UBA6: variants seen among roughly 807,000 people sequenced by gnomAD.
UBA6 encodes ubiquitin like modifier activating enzyme 6.
A neutral mutation model predicts 148.3 loss-of-function variants in UBA6; 87 were observed. That is an observed-to-expected ratio of 0.59 (90% CI 0.49 to 0.70). The LOEUF is 0.70. Ranked by LOEUF, UBA6 falls within the 30% of genes least tolerant of loss-of-function variation. The probability of loss-of-function intolerance (pLI) is 0.00; values close to 1 mark genes in which losing one functional copy is unlikely to be tolerated. For missense variants in UBA6, 1,186 were observed against 1,241.2 expected, an observed-to-expected ratio of 0.96 and a Z score of 0.67; for synonymous variants, 376 against 401.0, an observed-to-expected ratio of 0.94 and a Z score of 0.75.
chr4:67,622,056 C>T (rs1167161874), intron 32 of UBA6, among the ~76,000 whole-genome samples: 1 of 152,058 alleles, frequency 6.6e-6, no homozygotes, highest in African/African-American at 2.4e-5. Flanking sequence ...AGGTCCCATG[C>T]TGGAGCATGA....
intron 2 of UBA6, among the ~76,000 whole-genome samples, chr4:67,689,171 G>A (rs1232390125): frequency 1.3e-5 from 2 of 152,052 alleles, no homozygotes; most frequent in African/African-American, 4.8e-5. Flanking sequence ...AGATGATTTT[G>A]CCTAACTATA....
chr4:67,664,038 G>A, intron 10 of UBA6, 91 bp from the exon 11 acceptor site: 1 of 1,001,882 alleles, frequency 1.0e-6, no homozygotes, highest in Non-Finnish European at 1.5e-6. Flanking sequence ...AAAAACTAGG[G>A]AACTCTCCCA....
chr4:67,624,736 CA>C (rs1360560012), intron 29 of UBA6, among the ~76,000 whole-genome samples: 1 of 151,956 alleles, frequency 6.6e-6, no homozygotes, highest in Non-Finnish European at 1.5e-5. Flanking sequence ...ACGTAAAGAT[CA>C]GTGAAAAGAT....
chr4:67,626,383 A>G lies in UBA6; in HGVS notation c.2495T>C (p.Ile832Thr). ...ACTTTTGGTGGCTTCATTAGATAAA[A>G]TAGCCTTTTCTAGTTGGAAAATTGC... is the stretch of plus-strand genomic sequence containing the variant. Reference protein sequence around the residue: ...RNAIFQLEKAILSNEATKSDL... With the variant: ...RNAIFQLEKATLSNEATKSDL... Residue 832 changes from isoleucine (I) to threonine (T), a missense_variant, in exon 28 of 33, where the codon ATT (isoleucine) becomes ACT (threonine). Coordinates refer to ENST00000322244, the MANE Select transcript of UBA6 (RefSeq NM_018227.6). 6.2e-7 allele frequency: 1 copy of G among 1,610,504 alleles called. No individual in the cohort carries two copies. The highest frequency in any genetic ancestry group is 8.5e-7 in the Non-Finnish European group (1 of 1,177,498).
At chr4:67,687,477 T>G (rs1384184848) in intron 2 of UBA6, among the ~76,000 whole-genome samples, 1 of 152,258 alleles carries the variant, frequency 6.6e-6, no homozygotes, top group Admixed American at 6.5e-5. Context: ...AAAGGCCATG[T>G]TAATTCTACT....
intron 2 of UBA6, among the ~76,000 whole-genome samples, chr4:67,691,697 T>C (rs890467192): frequency 8.6e-5 from 13 of 152,008 alleles, no homozygotes; most frequent in African/African-American, 3.1e-4. Flanking sequence ...GACATTACAA[T>C]AAAAAGTTGA....
rs138883148 is a variant in UBA6 at position 67,615,890 on chromosome 4, C to T, written c.*3107G>A. On this transcript the variant is annotated 3_prime_UTR_variant, in exon 33 of 33. Coordinates refer to ENST00000322244, the MANE Select transcript of UBA6 (RefSeq NM_018227.6). ...GGATAGTGGTAATTACCAAAGGGTA[C>T]GTGGCAGGGAGCTGGTTGTGACTGG... The T allele has an allele frequency of 7.2e-4, 225 of 312,348 alleles. 1 individual carries two copies. The highest frequency in any genetic ancestry group is 4.2e-3 in the African/African-American group (198 of 47,298). The allele number at this position is 312,348 out of a possible 1,614,324, so 19.3% of individuals were successfully genotyped here.
chr4:67,660,600 A>G (rs911086089), intron 13 of UBA6, among the ~76,000 whole-genome samples: 4 of 152,224 alleles, frequency 2.6e-5, no homozygotes, highest in African/African-American at 9.6e-5. Context: ...ATGTCCAGGT[A>G]GAAGTTTACT....
intron 27 of UBA6, among the ~76,000 whole-genome samples, chr4:67,627,510 A>C (rs1407703988): frequency 6.6e-6 from 1 of 151,974 alleles, no homozygotes; most frequent in Non-Finnish European, 1.5e-5. Flanking sequence ...CAATAACGGA[A>C]AGTAAAGTTA....
chr4:67,687,512 G>A (rs1354606185), intron 2 of UBA6, among the ~76,000 whole-genome samples: 2 of 152,110 alleles, frequency 1.3e-5, no homozygotes, highest in South Asian at 2.1e-4. Context: ...CTAACAAGTA[G>A]ATATTTGCTG....
intron 28 of UBA6, 96 bp downstream of exon 28, chr4:67,626,264 T>C (rs1577788871): frequency 1.4e-6 from 1 of 728,548 alleles, no homozygotes; most frequent in Non-Finnish European, 2.4e-6. Context: ...ATCATTATTA[T>C]TGTTGTGATT....
chr4:67,642,750 T>G (rs1235879079), intron 17 of UBA6, among the ~76,000 whole-genome samples: 1 of 152,078 alleles, frequency 6.6e-6, no homozygotes, highest in East Asian at 1.9e-4. Context: ...TGGTACTAGT[T>G]TATCTTTCCA....
intron 10 of UBA6, among the ~76,000 whole-genome samples, chr4:67,664,505 G>A (rs1729943133): frequency 6.6e-6 from 1 of 151,436 alleles, no homozygotes; most frequent in African/African-American, 2.4e-5. Context: ...TAATAGTTCT[G>A]GAAAAGAAAA....
intron 23 of UBA6, among the ~76,000 whole-genome samples, chr4:67,632,356 G>A (rs866389320): frequency 6.6e-6 from 1 of 152,140 alleles, no homozygotes; most frequent in South Asian, 2.1e-4. Context: ...AAGAATGAAC[G>A]GGAATGGTGA....
chr4:67,685,902 TTC>T (rs1047709267), intron 2 of UBA6, among the ~76,000 whole-genome samples: 6 of 152,116 alleles, frequency 3.9e-5, no homozygotes, highest in African/African-American at 7.2e-5. Context: ...CCAAATAAAT[TTC>T]TGTTTAGTCA....
rs1328033829 is a variant in UBA6 at position 67,646,788 on chromosome 4, A to G, written c.1252T>C (p.Tyr418His). The G allele has an allele frequency of 1.3e-6, 2 of 1,599,992 alleles. No individual in the cohort carries two copies. The highest frequency in any genetic ancestry group is 1.7e-5 in the Admixed American group (1 of 58,232). The change falls in exon 15 of 33, where the codon TAT (tyrosine) becomes CAT (histidine). Residue 418 changes from tyrosine to histidine, a missense_variant. By Grantham distance (83) the Tyr-to-His change is moderately conservative (BLOSUM62 2). Transcript: ENST00000322244. Reference sequence around the variant, plus strand: ...TCAACAATATCTGCTGCTTCAAGATATAACTTAAAGTAGAAGATTAAAAAC... The same window carrying G: ...TCAACAATATCTGCTGCTTCAAGATGTAACTTAAAGTAGAAGATTAAAAAC... The part of the protein sequence containing the change: ...GKFSPLCQWL[Y>H]LEAADIVESL...
intron 32 of UBA6, among the ~76,000 whole-genome samples, chr4:67,622,474 C>G (rs1231121430): frequency 6.6e-6 from 1 of 152,176 alleles, no homozygotes; most frequent in Non-Finnish European, 1.5e-5. Flanking sequence ...AGAATAGTAC[C>G]TGGCACACAG....
At chr4:67,635,408 CAA>C (rs1560481244) in intron 20 of UBA6, 43 bp downstream of exon 20, 1 of 1,214,708 alleles carries the variant, frequency 8.2e-7, no homozygotes, top group Admixed American at 1.9e-5. Context: ...ACAAAAATTA[CAA>C]GATATAAAAA....
chr4:67,614,078 TGA>T lies in UBA6; in HGVS notation c.*4917_*4918del, dbSNP rs1728583460. 6.6e-6 allele frequency: 1 copy of T among 152,222 alleles called. No individual in the cohort carries two copies. 9.4% of individuals were successfully genotyped at this position (152,222 alleles called of 1,614,324 possible). On this transcript the variant is annotated 3_prime_UTR_variant, in exon 33 of 33. Coordinates refer to ENST00000322244, the MANE Select transcript of UBA6 (RefSeq NM_018227.6). Reference sequence around the variant, plus strand: ...ACAACCTGCTCTCTTTGAAGTCTGCTGAGAGTTTCCTCTGCACAATAAAACTT... The same window carrying T: ...ACAACCTGCTCTCTTTGAAGTCTGCTGAGTTTCCTCTGCACAATAAAACTT...
Sources: allele counts gnomAD v4.1 joint callset (sites outside exome capture counted in the v4.1 genomes callset), GRCh38; gene constraint gnomAD v4.1.1; transcripts MANE v1.5; gene names NCBI Gene and HGNC (gene_info 2026-07-23, HGNC 2026-07-21).